Variants in LRMDA observed in about 807,000 individuals in gnomAD.
The protein encoded by LRMDA is leucine rich melanocyte differentiation associated, also known as leucine-rich melanocyte differentiation-associated protein.
A neutral mutation model predicts 29.8 loss-of-function variants in LRMDA; 18 were observed. That is an observed-to-expected ratio of 0.60 (90% CI 0.42 to 0.90). LRMDA has a LOEUF of 0.90. Ranked by LOEUF, LRMDA falls within the 40% of genes least tolerant of loss-of-function variation. LRMDA has a pLI of 0.00. For missense variants in LRMDA, 273 were observed against 273.9 expected, an observed-to-expected ratio of 1.00 and a Z score of 0.02; for synonymous variants, 125 against 109.4, an observed-to-expected ratio of 1.14 and a Z score of -0.89.
At chr10:75,897,628 T>C (rs1845604855) in intron 2 of LRMDA, among the ~76,000 whole-genome samples, 1 of 152,164 alleles carries the variant, frequency 6.6e-6, no homozygotes, top group Non-Finnish European at 1.5e-5. Context: ...CTAAAGGGAC[T>C]AAGAAATTTC....
chr10:76,061,550 T>G lies in LRMDA; in HGVS notation c.516+2767T>G, dbSNP rs530061406. ...GTTTAAAAAAATACCTGTTAATTAT[T>G]TGAGGAGAGAGACTAAAGTACTCTT... On this transcript the variant is annotated intron_variant, in intron 5 of 6. Coordinates refer to ENST00000611255, the MANE Select transcript of LRMDA (RefSeq NM_001305581.2). Among the ~76,000 whole-genome samples, 25 of 152,288 alleles carry G rather than the reference T, an allele frequency of 1.6e-4. 1 individual carries two copies. In the South Asian group the frequency reaches 5.2e-3, roughly 32 times the overall value.
intron 5 of LRMDA, among the ~76,000 whole-genome samples, chr10:76,127,398 C>T (rs1181033565): frequency 6.6e-6 from 1 of 152,200 alleles, no homozygotes; most frequent in African/African-American, 2.4e-5. Flanking sequence ...ATACTGGCTG[C>T]AGCACATCAC....
At chr10:76,332,872 A>T (rs546744245) in intron 6 of LRMDA, among the ~76,000 whole-genome samples, 1 of 152,360 alleles carries the variant, frequency 6.6e-6, no homozygotes, top group Non-Finnish European at 1.5e-5. Flanking sequence ...TATTATCTCT[A>T]TCTTCTAGGA....
At chr10:75,482,621 C>T (rs1844866220) in intron 2 of LRMDA, among the ~76,000 whole-genome samples, 1 of 152,180 alleles carries the variant, frequency 6.6e-6, no homozygotes, top group African/African-American at 2.4e-5. Flanking sequence ...GGTAGATGTG[C>T]AGCACATAAT....
intron 6 of LRMDA, among the ~76,000 whole-genome samples, chr10:76,399,026 C>T (rs1375004183): frequency 1.3e-5 from 2 of 151,996 alleles, no homozygotes; most frequent in South Asian, 2.1e-4. Flanking sequence ...ATTCAGATTC[C>T]AGGTCTAAAA....
chr10:75,558,838 A>G (rs1483843845), intron 2 of LRMDA, among the ~76,000 whole-genome samples: 2 of 144,098 alleles, frequency 1.4e-5, no homozygotes, highest in Non-Finnish European at 3.1e-5. Flanking sequence ...AATTTCATCC[A>G]TGTCCCTACA....
intron 2 of LRMDA, among the ~76,000 whole-genome samples, chr10:75,992,394 G>A (rs1162335123): frequency 3.3e-5 from 5 of 152,178 alleles, no homozygotes; most frequent in Non-Finnish European, 2.9e-5. Flanking sequence ...GGGGAAGAAT[G>A]TCCTTGCCAT....
At chr10:75,783,056 G>A in intron 2 of LRMDA, 1 of 1,613,094 alleles carries the variant, frequency 6.2e-7, no homozygotes, top group Non-Finnish European at 8.5e-7. Flanking sequence ...CAAAGAGTCG[G>A]TCTTTTCTGT....
intron 5 of LRMDA, among the ~76,000 whole-genome samples, chr10:76,222,795 T>C (rs905452924): frequency 6.6e-5 from 10 of 152,218 alleles, no homozygotes; most frequent in Admixed American, 5.2e-4. Context: ...TATATCATGC[T>C]GCTATAAAGA....
At chr10:75,741,436 T>TAA (rs111419013) in intron 2 of LRMDA, among the ~76,000 whole-genome samples, 1 of 144,604 alleles carries the variant, frequency 6.9e-6, no homozygotes, top group African/African-American at 2.5e-5. Flanking sequence ...ACCACTGCTT[T>TAA]AAAAAAAAAA....
intron 6 of LRMDA, among the ~76,000 whole-genome samples, chr10:76,555,512 C>T (rs1027558834): frequency 6.6e-6 from 1 of 152,162 alleles, no homozygotes; most frequent in Non-Finnish European, 1.5e-5. Context: ...CAATGTCACC[C>T]TCTCTCCATT....
chr10:75,919,646 C>T (rs1041749704), intron 2 of LRMDA, among the ~76,000 whole-genome samples: 3 of 152,174 alleles, frequency 2.0e-5, no homozygotes, highest in African/African-American at 7.2e-5. Flanking sequence ...CTCATGAAAA[C>T]TCAATGGCTT....
At chr10:76,425,501 G>A (rs1291344147) in intron 6 of LRMDA, among the ~76,000 whole-genome samples, 1 of 151,832 alleles carries the variant, frequency 6.6e-6, no homozygotes, top group Non-Finnish European at 1.5e-5. Context: ...AATCTACCTT[G>A]AAGGATTATA....
chr10:75,878,851 G>A (rs1204321019), intron 2 of LRMDA, among the ~76,000 whole-genome samples: 1 of 152,104 alleles, frequency 6.6e-6, no homozygotes, highest in Non-Finnish European at 1.5e-5. Context: ...CAGAGCTCTG[G>A]AGACTGTCAT....
At chr10:76,443,228 A>G (rs1842321608) in intron 6 of LRMDA, among the ~76,000 whole-genome samples, 1 of 152,146 alleles carries the variant, frequency 6.6e-6, no homozygotes, top group South Asian at 2.1e-4. Flanking sequence ...CCCAACATGA[A>G]CATATTTGTT....
In LRMDA at chr10:75,991,997, C is replaced by T. The variant is rs1382212526; in HGVS notation, c.132-44011C>T. On this transcript the variant is annotated intron_variant, in intron 2 of 6. Transcript: ENST00000611255. ...CCAAGGCCCAAGAGACTATTTGGAT[C>T]GATGATGATTGTGTTAATGATAACC... 2.0e-5 allele frequency among the ~76,000 whole-genome samples: 3 copies of T among 152,160 alleles called. 1 individual carries two copies. Among genetic ancestry groups the T allele is most frequent in the South Asian group, 4.1e-4 (2 of 4,826 alleles).
At chr10:75,967,843 A>G (rs1171975557) in intron 2 of LRMDA, among the ~76,000 whole-genome samples, 1 of 151,714 alleles carries the variant, frequency 6.6e-6, no homozygotes, top group Non-Finnish European at 1.5e-5. Flanking sequence ...CCACGAGTTA[A>G]CCCTTTCCCC....
intron 5 of LRMDA, among the ~76,000 whole-genome samples, chr10:76,122,130 G>A (rs977135351): frequency 2.0e-5 from 3 of 152,196 alleles, no homozygotes; most frequent in Admixed American, 6.5e-5. Flanking sequence ...ATTTGGGCAG[G>A]TAGATGAGAG....
intron 5 of LRMDA, among the ~76,000 whole-genome samples, chr10:76,191,020 A>G (rs143124904): frequency 1.8e-3 from 271 of 152,306 alleles, no homozygotes; most frequent in African/African-American, 6.1e-3. Context: ...ATCAGAAAAG[A>G]GAGATTTACG....
Sources: gnomAD v4.1 joint callset for allele counts (sites outside exome capture counted in the v4.1 genomes callset) on GRCh38, gnomAD v4.1.1 for gene constraint, MANE v1.5 for transcripts, NCBI Gene and HGNC (gene_info 2026-07-23, HGNC 2026-07-21) for gene names.